The following THRAP3 variants were observed in gnomAD, a reference collection of about 807,000 sequenced individuals.
The protein encoded by THRAP3 is thyroid hormone receptor-associated protein 3.
THRAP3 carries 16 observed loss-of-function variants against 101.0 expected under a neutral mutation model. That is an observed-to-expected ratio of 0.16 (90% CI 0.11 to 0.24). THRAP3 has a LOEUF of 0.24. Ranked by LOEUF, THRAP3 falls within the 10% of genes least tolerant of loss-of-function variation. The pLI is 1.00. For missense variants in THRAP3, 989 were observed against 1,202.7 expected (o/e 0.82, Z 2.63); for synonymous variants, 407 against 422.6 (o/e 0.96, Z 0.45).
At chr1:36,299,809 A>G (rs566867343) in intron 9 of THRAP3, among the ~76,000 whole-genome samples, 1 of 152,316 alleles carries the variant, frequency 6.6e-6, no homozygotes, top group East Asian at 1.9e-4. Context: ...ACGCCCGGCC[A>G]GAGACTCTTA....
chr1:36,217,554 G>A, the THRAP3 span, among the ~76,000 whole-genome samples: 2 of 151,766 alleles, frequency 1.3e-5, no homozygotes, highest in Non-Finnish European at 2.9e-5. Context: ...TATAAACTGC[G>A]AGTTTGTGGC....
intron 1 of THRAP3, among the ~76,000 whole-genome samples, chr1:36,232,955 A>ACCTCTG (rs10643333): frequency 0.88 from 132,130 of 149,570 alleles, 60,752 homozygotes; most frequent in Non-Finnish European, 1. Context: ...GCTCACTGCA[A>ACCTCTG]CCTCCCAGAT....
At chr1:36,280,009 G>C (rs1202913480) in intron 2 of THRAP3, among the ~76,000 whole-genome samples, 1 of 152,214 alleles carries the variant, frequency 6.6e-6, no homozygotes, top group Non-Finnish European at 1.5e-5. Flanking sequence ...GTGAGGCTGG[G>C]CGGGGTGGCT....
chr1:36,289,024 G>A, intron 4 of THRAP3, 36 bp from the exon 5 acceptor site: 3 of 1,521,916 alleles, frequency 2.0e-6, no homozygotes, highest in Non-Finnish European at 1.8e-6. Flanking sequence ...CTGTTAAGAA[G>A]CCTCTTGTGT....
At chr1:36,281,330 C>T (rs1384153779) in intron 2 of THRAP3, among the ~76,000 whole-genome samples, 4 of 152,236 alleles carry the variant, frequency 2.6e-5, no homozygotes, top group African/African-American at 9.6e-5. Flanking sequence ...ACCTGTCTCA[C>T]ATCTCCTCAT....
intron 3 of THRAP3, among the ~76,000 whole-genome samples, chr1:36,284,976 A>G (rs1039604522): frequency 6.6e-6 from 1 of 152,244 alleles, no homozygotes; most frequent in Admixed American, 6.5e-5. Context: ...GCAGTAAGAT[A>G]TATCTTTGCC....
intron 2 of THRAP3, among the ~76,000 whole-genome samples, chr1:36,271,621 C>T (rs777722423): frequency 5.0e-5 from 5 of 99,246 alleles, no homozygotes; most frequent in African/African-American, 2.0e-4. Context: ...TTTTGAGATG[C>T]AGTCTCTTTC....
At chr1:36,248,487 A>G in intron 1 of THRAP3, among the ~76,000 whole-genome samples, 1 of 135,818 alleles carries the variant, frequency 7.4e-6, no homozygotes, top group Non-Finnish European at 1.5e-5. Flanking sequence ...TTGCTTTGTC[A>G]CCTAGTCTGG....
chr1:36,297,026 G>T (rs1216443834), intron 9 of THRAP3, among the ~76,000 whole-genome samples: 1 of 152,194 alleles, frequency 6.6e-6, no homozygotes, highest in East Asian at 1.9e-4. Context: ...GGATGGTGTG[G>T]AGAATCATTA....
intron 1 of THRAP3, among the ~76,000 whole-genome samples, chr1:36,233,595 AC>A (rs1200059108): frequency 1.3e-5 from 2 of 150,792 alleles, no homozygotes; most frequent in Admixed American, 1.3e-4. Flanking sequence ...CCCCACCTCT[AC>A]AAAATAAAAT....
upstream of THRAP3, among the ~76,000 whole-genome samples, chr1:36,224,265 C>T (rs767698202): frequency 2.0e-5 from 3 of 152,250 alleles, no homozygotes; most frequent in Non-Finnish European, 4.4e-5. Flanking sequence ...CGCCGACAAC[C>T]GAGCGCGTGA....
intron 9 of THRAP3, among the ~76,000 whole-genome samples, chr1:36,300,317 G>A (rs1055437764): frequency 6.6e-5 from 10 of 152,156 alleles, no homozygotes; most frequent in African/African-American, 2.4e-4. Context: ...GACTCTGCTC[G>A]CTTCTCTCAC....
chr1:36,234,032 C>G (rs375330870), intron 1 of THRAP3, among the ~76,000 whole-genome samples: 1 of 151,974 alleles, frequency 6.6e-6, no homozygotes, highest in Non-Finnish European at 1.5e-5. Context: ...CACGGCTAAC[C>G]TCAGCCTGGA....
intron 9 of THRAP3, among the ~76,000 whole-genome samples, chr1:36,299,705 C>T (rs901773456): frequency 1.3e-4 from 19 of 151,864 alleles, no homozygotes; most frequent in Non-Finnish European, 2.4e-4. Context: ...GATGGGGTTT[C>T]GCCATGTTGG....
intron 2 of THRAP3, among the ~76,000 whole-genome samples, chr1:36,277,326 A>C (rs1645673735): frequency 1.3e-5 from 2 of 151,732 alleles, no homozygotes; most frequent in Admixed American, 1.3e-4. Context: ...CCCAGGCTGG[A>C]GTGCAGTGGT....
chr1:36,243,151 C>CTTTTT (rs58340320), intron 1 of THRAP3, among the ~76,000 whole-genome samples: 255 of 59,820 alleles, frequency 4.3e-3, no homozygotes, highest in Middle Eastern at 0.015. Flanking sequence ...GAGGAACTTT[C>CTTTTT]TTTTTTTTTT....
intron 1 of THRAP3, among the ~76,000 whole-genome samples, chr1:36,257,704 A>G (rs961874442): frequency 5.3e-5 from 8 of 152,238 alleles, no homozygotes; most frequent in Non-Finnish European, 1.0e-4. Flanking sequence ...TGTTGGAATG[A>G]TAAAATTCTT....
intron 2 of THRAP3, among the ~76,000 whole-genome samples, chr1:36,281,595 T>C (rs1039268734): frequency 2.0e-5 from 3 of 151,262 alleles, no homozygotes; most frequent in African/African-American, 7.3e-5. Context: ...TTTTTTTTAA[T>C]GTTACTTTCT....
chr1:36,252,531 G>A (rs542334685), intron 1 of THRAP3, among the ~76,000 whole-genome samples: 1 of 152,250 alleles, frequency 6.6e-6, no homozygotes, highest in Non-Finnish European at 1.5e-5. Context: ...GGCTTTGCTG[G>A]CCAAGAGGCA....
Sources: gnomAD v4.1 joint callset for allele counts (sites outside exome capture counted in the v4.1 genomes callset) on GRCh38, gnomAD v4.1.1 for gene constraint, MANE v1.5 for transcripts, NCBI Gene and HGNC (gene_info 2026-07-23, HGNC 2026-07-21) for gene names.